Variants in THSD1 observed in about 807,000 individuals in gnomAD.
The protein encoded by THSD1 is thrombospondin type 1 domain containing 1.
In THSD1, 34 loss-of-function variants were observed where a neutral mutation model predicts 46.3. The observed-to-expected ratio is 0.74, with a 90% confidence interval of 0.56 to 0.98. The LOEUF is 0.98. THSD1 is among the 50% of genes least tolerant of loss of function. THSD1 has a pLI of 0.00. For synonymous variants in THSD1, 407 were observed against 416.5 expected (o/e 0.98, Z 0.28); for missense variants, 1,023 against 1,058.3 (o/e 0.97, Z 0.46).
chr13:52,380,511 C>CT (rs113333726), intron 4 of THSD1, among the ~76,000 whole-genome samples: 1,967 of 142,846 alleles, frequency 0.014, 26 homozygotes, highest in African/African-American at 0.038. Context: ...GTTTCTTTTC[C>CT]TTTTTTTTTT....
At chr13:52,381,373 G>A (rs921939491) in intron 4 of THSD1, among the ~76,000 whole-genome samples, 13 of 152,228 alleles carry the variant, frequency 8.5e-5, no homozygotes, top group Admixed American at 5.2e-4. Context: ...GTGCCCCTGC[G>A]CAGTCACAGC....
intron 4 of THSD1, among the ~76,000 whole-genome samples, chr13:52,380,725 CAT>C (rs935803730): frequency 6.6e-6 from 1 of 151,994 alleles, no homozygotes; most frequent in African/African-American, 2.4e-5. Flanking sequence ...TGGGATTACA[CAT>C]ACTTTCTTTA....
Position 52,397,384 on chromosome 13 carries a change from G to C in THSD1, c.869C>G (p.Ala290Gly), listed in dbSNP as rs1957819902. Residue 290 changes from alanine (A) to glycine (G), a missense_variant, in exon 3 of 5, where the codon GCT (alanine) becomes GGT (glycine). Around this residue, in one of 3 missense-constraint regions of THSD1, gnomAD observed 429 missense variants for 518.3 expected, o/e 0.83. Coordinates refer to ENST00000258613, the MANE Select transcript of THSD1 (RefSeq NM_018676.4). Reference protein sequence around the residue: ...RYPGKRTIHLAENSLPLGERR... With the variant: ...RYPGKRTIHLGENSLPLGERR... ...CTCTCCCAGGGGCAGGCTGTTTTCA[G>C]CCAAGTGAATGGTCCTCTTCCCAGG... The C allele has an allele frequency of 6.2e-7, 1 of 1,614,126 alleles. No homozygotes were observed. The highest frequency in any genetic ancestry group is 1.1e-5 in the South Asian group (1 of 91,082).
In THSD1 at chr13:52,386,987, C is replaced by T. The variant is rs368699977; in HGVS notation, c.1022-801G>A. Among the ~76,000 whole-genome samples, 4 of 152,308 alleles carry T rather than the reference C, an allele frequency of 2.6e-5. No homozygotes were observed. The South Asian group carries it at 6.2e-4, about 24-fold the overall frequency. On this transcript the variant is annotated intron_variant, in intron 3 of 4. Coordinates refer to ENST00000258613, the MANE Select transcript of THSD1 (RefSeq NM_018676.4). The stretch of plus-strand genomic sequence containing the variant: ...CAGGATCATCAAGAAGGTCCCATTC[C>T]TGAAACTTAGGAACACAGCACTTGC...
intron 2 of THSD1, among the ~76,000 whole-genome samples, 188 bp downstream of exon 2, chr13:52,402,355 C>T (rs1206043861): frequency 6.6e-6 from 1 of 151,974 alleles, no homozygotes; most frequent in African/African-American, 2.4e-5. Context: ...AAATGAAATA[C>T]GAATCAATCA....
At chr13:52,388,976 T>C (rs901864757) in intron 3 of THSD1, among the ~76,000 whole-genome samples, 2 of 151,834 alleles carry the variant, frequency 1.3e-5, no homozygotes, top group Non-Finnish European at 2.9e-5. Context: ...CTTTTTTTTT[T>C]TTTGAGACAG....
Position 52,397,702 on chromosome 13 carries a change from T to C in THSD1, c.551A>G (p.Gln184Arg), listed in dbSNP as rs769956189. Residue 184 changes from glutamine to arginine, a missense_variant, in exon 3 of 5, where the codon CAG (glutamine) becomes CGG (arginine). Gln to Arg is a conservative substitution (Grantham distance 43, BLOSUM62 1). This residue lies in a region of THSD1 where 429 missense variants were observed against 518.3 expected (regional missense o/e 0.83). Transcript: ENST00000258613. The stretch of plus-strand genomic sequence containing the variant: ...TTTGCTGGTTCTTATTTCCAGCGGC[T>C]GTCTTGAATTTCTTCTTGCCTCAGG... ...SLPEARRNSR[Q>R]PLEIRTSKRT... 6.8e-6 allele frequency: 11 copies of C among 1,614,120 alleles called. No homozygotes were observed. Among genetic ancestry groups the C allele is most frequent in the Non-Finnish European group, 8.5e-6 (10 of 1,180,054 alleles).
At chr13:52,383,474 G>C (rs978977577) in intron 4 of THSD1, among the ~76,000 whole-genome samples, 2 of 152,210 alleles carry the variant, frequency 1.3e-5, no homozygotes, top group Admixed American at 6.5e-5. Context: ...ATGATGAAAG[G>C]CTTGTTCCCT....
intron 1 of THSD1, among the ~76,000 whole-genome samples, chr13:52,405,474 G>A (rs535524991): frequency 6.6e-6 from 1 of 152,226 alleles, no homozygotes; most frequent in East Asian, 1.9e-4. Flanking sequence ...AAAGCAGCTC[G>A]TGTAAACAGG....
At chr13:52,405,645 C>T (rs962055274) in intron 1 of THSD1, among the ~76,000 whole-genome samples, 2 of 152,208 alleles carry the variant, frequency 1.3e-5, no homozygotes, top group African/African-American at 4.8e-5. Context: ...AGCTTAAAGC[C>T]CTCCTTAATG....
At chr13:52,391,050 TTTTC>T (rs1398073166) in intron 3 of THSD1, among the ~76,000 whole-genome samples, 1 of 152,086 alleles carries the variant, frequency 6.6e-6, no homozygotes, top group Non-Finnish European at 1.5e-5. Flanking sequence ...GCCCTACACG[TTTTC>T]TTTATGTTTT....
chr13:52,394,013 G>A (rs559694234), intron 3 of THSD1, among the ~76,000 whole-genome samples: 2 of 152,102 alleles, frequency 1.3e-5, no homozygotes, highest in South Asian at 2.1e-4. Flanking sequence ...AATGTGTCTC[G>A]CAGTTGGCTG....
At position 52,395,560 on chromosome 13, in the gene THSD1, T is replaced by A. The variant is rs191913209; in HGVS notation, c.1021+1672A>T. The stretch of plus-strand genomic sequence containing the variant: ...GGAACGAGCAGGGAAGAGACGTCCA[T>A]CTGGAGCCATCAGCATCAAGGCTAA... On this transcript the variant is annotated intron_variant, in intron 3 of 4. Transcript: ENST00000258613. Among the ~76,000 whole-genome samples, 32 of 152,138 alleles carry A rather than the reference T, an allele frequency of 2.1e-4. No individual in the cohort carries two copies. In the East Asian group the frequency reaches 6.2e-3, roughly 29 times the overall value.
intron 4 of THSD1, among the ~76,000 whole-genome samples, chr13:52,379,674 C>T (rs1957676819): frequency 6.6e-6 from 1 of 152,012 alleles, no homozygotes; most frequent in Non-Finnish European, 1.5e-5. Flanking sequence ...AGGGTTTCAC[C>T]ATGTTGGCCA....
In THSD1 at chr13:52,406,027, T is replaced by C. The variant is rs1271562454; in HGVS notation, c.-82+4A>G. On this transcript the variant is annotated splice_donor_region_variant and intron_variant, in intron 1 of 4. Transcript: ENST00000258613. ...AACACCAGGATGCGGAGGGCGCTTC[T>C]TACCTTTCGAGACTGACGGGCAGCA... The C allele has an allele frequency of 6.6e-6, 1 of 152,312 alleles. No homozygotes were observed. Among genetic ancestry groups the C allele is most frequent in the Non-Finnish European group, 1.5e-5 (1 of 68,116 alleles). 9.4% of individuals were successfully genotyped at this position (152,312 alleles called of 1,614,324 possible). A position where few individuals can be genotyped will look rare whatever the true frequency, so the allele number is the denominator to read the frequency against.
chr13:52,380,330 T>TC (rs79917517), intron 4 of THSD1, among the ~76,000 whole-genome samples: 73,171 of 151,196 alleles, frequency 0.48, 19,901 homozygotes, highest in East Asian at 0.64. Context: ...CCACCCGTCC[T>TC]CCCACTGCCC....
intron 4 of THSD1, among the ~76,000 whole-genome samples, chr13:52,385,751 A>T (rs1386940333): frequency 6.6e-6 from 1 of 152,198 alleles, no homozygotes; most frequent in African/African-American, 2.4e-5. Flanking sequence ...GCATTTTTAG[A>T]AATTATTTAA....
At position 52,378,027 on chromosome 13, in the gene THSD1, G is replaced by A; in HGVS notation, c.1943C>T (p.Ala648Val). 6.2e-7 allele frequency: 1 copy of A among 1,614,158 alleles called. No homozygotes were observed. Among genetic ancestry groups the A allele is most frequent in the Non-Finnish European group, 8.5e-7 (1 of 1,180,042 alleles). ...GPSERSHARNAHFRRTASFHE... is the reference protein window; with the variant it reads ...GPSERSHARNVHFRRTASFHE... ...GAAACTCGCTGTCCTCCTGAAATGG[G>A]CGTTCCTGGCATGGCTCCTTTCGGA... The change falls in exon 5 of 5, where the codon GCC (alanine) becomes GTC (valine). Residue 648 changes from alanine (A) to valine (V), a missense_variant. Ala to Val is a moderately conservative substitution (Grantham distance 64). Transcript: ENST00000258613.
chr13:52,384,535 C>T (rs1957716611), intron 4 of THSD1: 1 of 360,030 alleles, frequency 2.8e-6, no homozygotes, highest in South Asian at 2.1e-5. Context: ...ATGATACCTA[C>T]CTTGTGGAAT....
Sources: gnomAD v4.1 joint callset for allele counts (sites outside exome capture counted in the v4.1 genomes callset) on GRCh38, gnomAD v4.1.1 for gene constraint, gnomAD v4.1.1 regional missense constraint, MANE v1.5 for transcripts, NCBI Gene and HGNC (gene_info 2026-07-23, HGNC 2026-07-21) for gene names.